Variants in SLC25A26 observed in about 807,000 individuals in gnomAD.
The protein encoded by SLC25A26 is solute carrier family 25 member 26, also known as mitochondrial S-adenosylmethionine carrier protein.
In SLC25A26, 36 loss-of-function variants were observed where a neutral mutation model predicts 37.8. That is an observed-to-expected ratio of 0.95 (90% confidence interval 0.73 to 1.26). The LOEUF (loss-of-function observed/expected upper bound fraction) is 1.26, where lower values mean the gene tolerates loss of function less well. SLC25A26 is among the 50% of genes most tolerant of loss of function. The probability of loss-of-function intolerance (pLI) is 0.00; values close to 1 mark genes in which losing one functional copy is unlikely to be tolerated. For synonymous variants in SLC25A26, 129 were observed against 122.5 expected (o/e 1.05, Z -0.35); for missense variants, 390 against 331.1 (o/e 1.18, Z -1.38).
At chr3:66,158,943 C>A (rs1282307266) in intron 1 of SLC25A26, among the ~76,000 whole-genome samples, 2 of 152,052 alleles carry the variant, frequency 1.3e-5, no homozygotes, top group East Asian at 3.9e-4. Flanking sequence ...GGGACCTTCC[C>A]CCATACTGTG....
intron 9 of SLC25A26, among the ~76,000 whole-genome samples, chr3:66,373,212 C>T (rs1178057752): frequency 1.3e-5 from 2 of 152,162 alleles, no homozygotes; most frequent in Non-Finnish European, 2.9e-5. Flanking sequence ...CTGCCGCGAG[C>T]ATCCCTTTCT....
intron 6 of SLC25A26, among the ~76,000 whole-genome samples, chr3:66,349,304 G>C (rs2076396917): frequency 6.6e-6 from 1 of 152,050 alleles, no homozygotes; most frequent in Non-Finnish European, 1.5e-5. Flanking sequence ...ATTTTTGTGA[G>C]TTTCAATAAA....
intron 5 of SLC25A26, among the ~76,000 whole-genome samples, chr3:66,306,458 G>T (rs913879985): frequency 1.3e-5 from 2 of 151,854 alleles, no homozygotes; most frequent in African/African-American, 4.8e-5. Flanking sequence ...TTTTTAATAG[G>T]GTTGTTTTTC....
intron 1 of SLC25A26, among the ~76,000 whole-genome samples, chr3:66,141,635 C>T (rs999189974): frequency 6.6e-6 from 1 of 152,090 alleles, no homozygotes; most frequent in Non-Finnish European, 1.5e-5. Flanking sequence ...ACGTCAGCCA[C>T]CCGAGTAGCT....
At position 66,245,539 on chromosome 3, in the gene SLC25A26, C is replaced by T. The variant is rs187449425; in HGVS notation, c.300+2227C>T. Among the ~76,000 whole-genome samples the T allele has an allele frequency of 2.1e-4, 32 of 152,172 alleles. No homozygotes were observed. The East Asian group carries it at 4.4e-3, about 21-fold the overall frequency. On this transcript the variant is annotated intron_variant, in intron 3 of 9. Coordinates refer to ENST00000354883, the MANE Select transcript of SLC25A26 (RefSeq NM_001379210.1). ...AAGCCTTTTATCAAATCACACTTTT[C>T]TTTGTAATTAGAAAAGTAATGGCAT...
intron 7 of SLC25A26, among the ~76,000 whole-genome samples, chr3:66,367,389 G>A (rs2076846374): frequency 6.6e-6 from 1 of 152,092 alleles, no homozygotes; most frequent in African/African-American, 2.4e-5. Flanking sequence ...GCCTCCATAA[G>A]CCTCAGTTTC....
chr3:66,221,183 C>A, intron 1 of SLC25A26, 56 bp downstream of exon 1: 4 of 1,486,378 alleles, frequency 2.7e-6, no homozygotes, highest in Non-Finnish European at 3.6e-6. Context: ...GGCATTGGAG[C>A]CCGCGGGCGT....
Position 66,281,996 on chromosome 3 carries a change from A to ATTT in SLC25A26, c.453+18641_453+18643dup, listed in dbSNP as rs71105977. On this transcript the variant is annotated intron_variant, in intron 5 of 9. Coordinates refer to ENST00000354883, the MANE Select transcript of SLC25A26 (RefSeq NM_001379210.1). ...CACCACCACACCCAACTGATTTTGC[A>ATTT]TTTTTTTTTTTTTTTTTTTTTTTTT... Among the ~76,000 whole-genome samples, 292 of 64,476 alleles carry ATTT rather than the reference A, an allele frequency of 4.5e-3. 46 individuals carry two copies. Among genetic ancestry groups the ATTT allele is most frequent in the African/African-American group, 0.014 (185 of 12,986 alleles). 42.3% of individuals were successfully genotyped at this position (64,476 alleles called of 152,430 possible).
At chr3:66,319,469 G>T (rs1015005679) in intron 5 of SLC25A26, among the ~76,000 whole-genome samples, 1 of 152,030 alleles carries the variant, frequency 6.6e-6, no homozygotes, top group Non-Finnish European at 1.5e-5. Context: ...ATGACTGGGG[G>T]AAACAAAATT....
chr3:66,213,510 G>C (rs1224557561), intron 1 of SLC25A26, among the ~76,000 whole-genome samples: 1 of 148,918 alleles, frequency 6.7e-6, no homozygotes, highest in Non-Finnish European at 1.5e-5. Flanking sequence ...GCAAAATTGA[G>C]CAGAAAGTAC....
At chr3:66,345,424 C>T (rs1313736135) in intron 5 of SLC25A26, among the ~76,000 whole-genome samples, 3 of 151,796 alleles carry the variant, frequency 2.0e-5, no homozygotes, top group Admixed American at 6.6e-5. Flanking sequence ...TCTCCAGTCT[C>T]CTCCCTCCTC....
intron 1 of SLC25A26, among the ~76,000 whole-genome samples, chr3:66,134,323 A>G (rs2069914944): frequency 6.6e-6 from 1 of 152,250 alleles, no homozygotes; most frequent in Non-Finnish European, 1.5e-5. Context: ...TTTTGTGAAT[A>G]GAAGGAAATG....
intron 5 of SLC25A26, among the ~76,000 whole-genome samples, chr3:66,265,170 G>A (rs1281170434): frequency 6.6e-6 from 1 of 152,022 alleles, no homozygotes; most frequent in Non-Finnish European, 1.5e-5. Context: ...AACTAGCTGG[G>A]CATGGTGGTG....
At chr3:66,163,681 C>T (rs2070389449) in intron 1 of SLC25A26, among the ~76,000 whole-genome samples, 1 of 152,214 alleles carries the variant, frequency 6.6e-6, no homozygotes, top group Non-Finnish European at 1.5e-5. Flanking sequence ...TGCCCGCCTC[C>T]TCTTCACTGT....
chr3:66,212,775 A>G (rs2071301991), intron 1 of SLC25A26, among the ~76,000 whole-genome samples: 1 of 152,164 alleles, frequency 6.6e-6, no homozygotes, highest in Non-Finnish European at 1.5e-5. Context: ...TGCTTAGCAT[A>G]ATGTCTTCAA....
intron 3 of SLC25A26, among the ~76,000 whole-genome samples, chr3:66,255,212 C>T (rs2073252521): frequency 6.6e-6 from 1 of 152,142 alleles, no homozygotes; most frequent in Non-Finnish European, 1.5e-5. Flanking sequence ...CTTGTGACCT[C>T]AAGTTATCCT....
chr3:66,265,949 G>A lies in SLC25A26; in HGVS notation c.453+2570G>A, dbSNP rs1033729046. Among the ~76,000 whole-genome samples, 47 of 152,288 alleles carry A rather than the reference G, an allele frequency of 3.1e-4. 1 individual carries two copies. Among genetic ancestry groups the A allele is most frequent in the African/African-American group, 1.1e-3 (44 of 41,562 alleles). The stretch of plus-strand genomic sequence containing the variant: ...ATGCTGAATAAATGAATATTTACAT[G>A]CCGGAGAATACTGGTTTTACATACA... On this transcript the variant is annotated intron_variant, in intron 5 of 9. Transcript: ENST00000354883.
intron 5 of SLC25A26, among the ~76,000 whole-genome samples, chr3:66,273,074 T>A (rs568440004): frequency 6.6e-6 from 1 of 152,310 alleles, no homozygotes; most frequent in African/African-American, 2.4e-5. Context: ...TCTTTGGTTC[T>A]GTTTATATGC....
chr3:66,348,866 T>C (rs1032792789), intron 6 of SLC25A26, among the ~76,000 whole-genome samples: 1 of 152,206 alleles, frequency 6.6e-6, no homozygotes, highest in Admixed American at 6.5e-5. Context: ...GGGCATGATG[T>C]AACAGCTATC....
Sources: gnomAD v4.1 joint callset for allele counts (sites outside exome capture counted in the v4.1 genomes callset) on GRCh38, gnomAD v4.1.1 for gene constraint, MANE v1.5 for transcripts, NCBI Gene and HGNC (gene_info 2026-07-23, HGNC 2026-07-21) for gene names.